MEIS1: variants seen among roughly 807,000 people sequenced by gnomAD.
MEIS1 encodes Meis homeobox 1.
A neutral mutation model predicts 50.8 loss-of-function variants in MEIS1; 5 were observed. The ratio of observed to expected loss-of-function variants is 0.10; its 90% CI spans 0.05 to 0.21. The LOEUF (loss-of-function observed/expected upper bound fraction) is 0.21, where lower values mean the gene tolerates loss of function less well. Ranked by LOEUF, MEIS1 falls within the 10% of genes least tolerant of loss-of-function variation. MEIS1 has a pLI of 1.00. For synonymous variants in MEIS1, 176 were observed against 179.3 expected (o/e 0.98, Z 0.15); for missense variants, 318 against 517.3 (o/e 0.61, Z 3.74).
At chr2:66,442,437 G>T (rs552488413) in intron 5 of MEIS1, among the ~76,000 whole-genome samples, 6 of 151,774 alleles carry the variant, frequency 4.0e-5, no homozygotes, top group African/African-American at 1.5e-4. Context: ...AATATAATAA[G>T]GACTTGGGTT....
intron 8 of MEIS1, among the ~76,000 whole-genome samples, chr2:66,529,824 A>T (rs946079920): frequency 6.6e-6 from 1 of 152,214 alleles, no homozygotes. Flanking sequence ...ATATGTTTAC[A>T]TATACAATTG....
At chr2:66,471,954 G>A (rs912487972) in intron 7 of MEIS1, among the ~76,000 whole-genome samples, 1 of 152,116 alleles carries the variant, frequency 6.6e-6, no homozygotes. Flanking sequence ...TTATGTAAAC[G>A]ATGAAAATGG....
intron 6 of MEIS1, among the ~76,000 whole-genome samples, chr2:66,454,948 G>A (rs2103721858): frequency 6.6e-6 from 1 of 152,082 alleles, no homozygotes; most frequent in Non-Finnish European, 1.5e-5. Context: ...TGGTATCAGT[G>A]GATTAGGGTT....
intron 7 of MEIS1, among the ~76,000 whole-genome samples, chr2:66,470,967 C>CT (rs1672748824): frequency 6.6e-6 from 1 of 152,134 alleles, no homozygotes; most frequent in South Asian, 2.1e-4. Context: ...AAAAAATGAG[C>CT]TTTTCATAGT....
At chr2:66,520,500 A>G (rs777739331) in intron 8 of MEIS1, among the ~76,000 whole-genome samples, 4 of 152,020 alleles carry the variant, frequency 2.6e-5, no homozygotes, top group Non-Finnish European at 5.9e-5. Context: ...AAGAAAAGCC[A>G]GTTTCCCAAC....
chr2:66,519,704 A>T (rs1377242933), intron 8 of MEIS1, among the ~76,000 whole-genome samples: 2 of 152,234 alleles, frequency 1.3e-5, no homozygotes, highest in Non-Finnish European at 2.9e-5. Context: ...CTCTATCTAA[A>T]GAAAAGGTAG....
chr2:66,545,816 G>A lies in MEIS1; in HGVS notation c.889-2127G>A, dbSNP rs564232344. Among the ~76,000 whole-genome samples, 8 of 152,280 alleles carry A rather than the reference G, an allele frequency of 5.3e-5. 1 individual carries two copies. Among genetic ancestry groups the A allele is most frequent in the African/African-American group, 1.9e-4 (8 of 41,558 alleles). ...CACTTATGATCTTAGCCTATTAGGA[G>A]GTTTATATACCTTCATTTGAAGAAA... On this transcript the variant is annotated intron_variant, in intron 8 of 12. Transcript: ENST00000272369.
At chr2:66,556,392 T>A (rs1170394240) in intron 9 of MEIS1, among the ~76,000 whole-genome samples, 1 of 151,990 alleles carries the variant, frequency 6.6e-6, no homozygotes, top group African/African-American at 2.4e-5. Flanking sequence ...ACACATTAAC[T>A]CCTCCAGGTC....
chr2:66,562,458 C>A (rs1205517057), intron 9 of MEIS1, among the ~76,000 whole-genome samples: 1 of 151,036 alleles, frequency 6.6e-6, no homozygotes, highest in Non-Finnish European at 1.5e-5. Context: ...CAAAGCAAAA[C>A]TTCCTGTATT....
chr2:66,570,811 T>A (rs539468735), intron 12 of MEIS1: 1 of 154,384 alleles, frequency 6.5e-6, no homozygotes, highest in East Asian at 1.9e-4. Context: ...ATAACTGTTT[T>A]GATTTTTTTC....
At chr2:66,504,864 G>T (rs1673650094) in intron 7 of MEIS1, among the ~76,000 whole-genome samples, 1 of 152,140 alleles carries the variant, frequency 6.6e-6, no homozygotes, top group Non-Finnish European at 1.5e-5. Context: ...TTCCAGGAAA[G>T]CTGTGGGTGG....
At chr2:66,521,738 G>A (rs1269272403) in intron 8 of MEIS1, among the ~76,000 whole-genome samples, 1 of 152,228 alleles carries the variant, frequency 6.6e-6, no homozygotes, top group Non-Finnish European at 1.5e-5. Flanking sequence ...AGAATTTTCA[G>A]TGTAAAAGCA....
chr2:66,495,118 A>G (rs1372504439), intron 7 of MEIS1, among the ~76,000 whole-genome samples: 2 of 145,814 alleles, frequency 1.4e-5, no homozygotes, highest in African/African-American at 5.1e-5. Flanking sequence ...TAAACTAAGG[A>G]AAAGAAGCAA....
intron 8 of MEIS1, among the ~76,000 whole-genome samples, chr2:66,519,934 ATG>A (rs1281044217): frequency 6.6e-6 from 1 of 152,058 alleles, no homozygotes; most frequent in African/African-American, 2.4e-5. Context: ...TTAATAATCT[ATG>A]GTCAGTTTTT....
intron 7 of MEIS1, among the ~76,000 whole-genome samples, chr2:66,506,698 T>G (rs1455639498): frequency 1.3e-5 from 2 of 152,302 alleles, no homozygotes; most frequent in East Asian, 3.9e-4. Context: ...AACATCTCCT[T>G]AAGACCTCTG....
At chr2:66,520,893 C>T (rs1674100738) in intron 8 of MEIS1, among the ~76,000 whole-genome samples, 1 of 152,188 alleles carries the variant, frequency 6.6e-6, no homozygotes. Flanking sequence ...ATCTGCTTTC[C>T]ACCACGCTGC....
At chr2:66,521,776 T>C (rs1674127940) in intron 8 of MEIS1, among the ~76,000 whole-genome samples, 1 of 152,162 alleles carries the variant, frequency 6.6e-6, no homozygotes, top group African/African-American at 2.4e-5. Context: ...AATGTCTCCT[T>C]CTCCCTGTGC....
chr2:66,510,846 TGTA>T (rs1673811226), intron 7 of MEIS1, among the ~76,000 whole-genome samples: 1 of 152,198 alleles, frequency 6.6e-6, no homozygotes, highest in Non-Finnish European at 1.5e-5. Context: ...TATTTTTTTA[TGTA>T]GGACCTAATA....
At chr2:66,541,635 C>A (rs1243638084) in intron 8 of MEIS1, among the ~76,000 whole-genome samples, 1 of 152,104 alleles carries the variant, frequency 6.6e-6, no homozygotes, top group African/African-American at 2.4e-5. Flanking sequence ...AAAAATGGAG[C>A]CCATTTAGTC....
Sources: gnomAD v4.1 joint callset for allele counts (sites outside exome capture counted in the v4.1 genomes callset) on GRCh38, gnomAD v4.1.1 for gene constraint, MANE v1.5 for transcripts, NCBI Gene and HGNC (gene_info 2026-07-23, HGNC 2026-07-21) for gene names.